Variants in CTNNA3 observed in about 807,000 individuals in gnomAD.
CTNNA3 encodes catenin alpha-3.
Under a neutral mutation model 95.7 loss-of-function variants are expected in CTNNA3, and 76 were observed. The ratio of observed to expected loss-of-function variants is 0.79; its 90% CI spans 0.66 to 0.96. The LOEUF is 0.96. CTNNA3 is among the 40% of genes least tolerant of loss of function. CTNNA3 has a pLI of 0.00. For synonymous variants in CTNNA3, 431 were observed against 374.4 expected (o/e 1.15, Z -1.74); for missense variants, 1,191 against 1,089.8 (o/e 1.09, Z -1.31).
chr10:67,446,063 A>G (rs1344846694), intron 5 of CTNNA3, among the ~76,000 whole-genome samples: 2 of 152,190 alleles, frequency 1.3e-5, no homozygotes, highest in Admixed American at 1.3e-4. Context: ...TCATTCAACA[A>G]ACGCGAGATA....
chr10:67,456,206 C>T (rs1477918692), intron 5 of CTNNA3, among the ~76,000 whole-genome samples: 1 of 152,038 alleles, frequency 6.6e-6, no homozygotes, highest in Non-Finnish European at 1.5e-5. Context: ...TGTAATAATA[C>T]AGGAAGATAA....
At chr10:66,845,709 A>AT (rs1843229486) in intron 7 of CTNNA3, among the ~76,000 whole-genome samples, 2 of 88,186 alleles carry the variant, frequency 2.3e-5, no homozygotes, top group African/African-American at 1.1e-4. Flanking sequence ...GTCTCAAAAA[A>AT]AAAAAAAAAA....
At chr10:67,021,357 A>C (rs1853003728) in intron 7 of CTNNA3, among the ~76,000 whole-genome samples, 1 of 152,176 alleles carries the variant, frequency 6.6e-6, no homozygotes, top group Non-Finnish European at 1.5e-5. Context: ...ACAATCAGTG[A>C]ATAAATCAGT....
At chr10:66,520,980 T>TA (rs762916618) in intron 10 of CTNNA3, among the ~76,000 whole-genome samples, 111 of 151,108 alleles carry the variant, frequency 7.3e-4, no homozygotes, top group Admixed American at 1.6e-3. Context: ...ATGTTAAACA[T>TA]AAAAAATGGA....
intron 7 of CTNNA3, among the ~76,000 whole-genome samples, chr10:67,117,587 G>A (rs1859246705): frequency 6.6e-6 from 1 of 152,010 alleles, no homozygotes; most frequent in Non-Finnish European, 1.5e-5. Context: ...AAATACCTGG[G>A]AGACAAGTGT....
At chr10:66,962,178 T>C (rs975140273) in intron 7 of CTNNA3, among the ~76,000 whole-genome samples, 5 of 152,056 alleles carry the variant, frequency 3.3e-5, no homozygotes, top group Non-Finnish European at 4.4e-5. Context: ...ACATCCCCCA[T>C]TTCCTCATCA....
rs77260532 is a variant in CTNNA3 at position 66,786,173 on chromosome 10, C to G, written c.1048-10649G>C. On this transcript the variant is annotated intron_variant, in intron 7 of 17. Transcript: ENST00000433211. ...GTAGTTGCAGGCCTAGGGTCTTGCT[C>G]TATCCCTTATTGAGTCCCTCAAGCC... Among the ~76,000 whole-genome samples the G allele has an allele frequency of 1.7e-3, 252 of 152,210 alleles. 8 individuals are homozygous for G. The East Asian group carries it at 0.043, about 26-fold the overall frequency.
intron 7 of CTNNA3, among the ~76,000 whole-genome samples, chr10:66,804,396 T>C (rs943671706): frequency 2.0e-5 from 3 of 152,192 alleles, no homozygotes; most frequent in Non-Finnish European, 4.4e-5. Flanking sequence ...ATCTGTATCC[T>C]TGCTCAGTGT....
At chr10:67,702,286 T>C (rs868399716) in intron 1 of CTNNA3, among the ~76,000 whole-genome samples, 11 of 152,186 alleles carry the variant, frequency 7.2e-5, no homozygotes, top group African/African-American at 2.6e-4. Flanking sequence ...CTAATAGACA[T>C]CTACAGAACT....
intron 5 of CTNNA3, among the ~76,000 whole-genome samples, chr10:67,422,171 TC>T (rs1390105736): frequency 2.0e-5 from 3 of 152,078 alleles, no homozygotes; most frequent in African/African-American, 4.8e-5. Flanking sequence ...ATAGACATAA[TC>T]TGGGGACAAC....
intron 7 of CTNNA3, among the ~76,000 whole-genome samples, chr10:66,873,429 T>A (rs1218983741): frequency 2.0e-5 from 3 of 152,108 alleles, no homozygotes; most frequent in African/African-American, 4.8e-5. Flanking sequence ...TGAGATGGTG[T>A]CTCATTGTGG....
chr10:67,324,089 C>T (rs1454307486), intron 5 of CTNNA3, among the ~76,000 whole-genome samples: 1 of 152,028 alleles, frequency 6.6e-6, no homozygotes, highest in African/African-American at 2.4e-5. Context: ...TGTTGCAAAA[C>T]TGTTGAAGTC....
chr10:66,058,882 T>G (rs1029024460), intron 15 of CTNNA3, among the ~76,000 whole-genome samples: 3 of 152,154 alleles, frequency 2.0e-5, no homozygotes, highest in African/African-American at 7.2e-5. Flanking sequence ...GCATACATGC[T>G]TTCTCTTGGG....
intron 5 of CTNNA3, among the ~76,000 whole-genome samples, chr10:67,473,129 C>A (rs1564674516): frequency 6.6e-6 from 1 of 152,112 alleles, no homozygotes; most frequent in Non-Finnish European, 1.5e-5. Context: ...AATGAATGAA[C>A]AATATATGAA....
chr10:66,306,978 T>A (rs2091943530), intron 12 of CTNNA3, among the ~76,000 whole-genome samples: 1 of 152,160 alleles, frequency 6.6e-6, no homozygotes, highest in Non-Finnish European at 1.5e-5. Flanking sequence ...AACAAAAAAA[T>A]TAGCTAACAG....
At chr10:66,326,162 T>C (rs1362514797) in intron 12 of CTNNA3, among the ~76,000 whole-genome samples, 1 of 152,134 alleles carries the variant, frequency 6.6e-6, no homozygotes, top group African/African-American at 2.4e-5. Context: ...GATTACAAGA[T>C]ACTTTACCAC....
intron 1 of CTNNA3, among the ~76,000 whole-genome samples, chr10:67,721,168 G>A (rs1449187003): frequency 1.3e-5 from 2 of 152,074 alleles, no homozygotes; most frequent in East Asian, 3.9e-4. Flanking sequence ...TATCTCTGTG[G>A]TGTTCTCTGT....
At chr10:67,640,395 G>C (rs1839486905) in intron 2 of CTNNA3, among the ~76,000 whole-genome samples, 1 of 152,140 alleles carries the variant, frequency 6.6e-6, no homozygotes, top group Non-Finnish European at 1.5e-5. Flanking sequence ...CTCATGGATA[G>C]GAAGAATCAA....
intron 12 of CTNNA3, among the ~76,000 whole-genome samples, chr10:66,303,357 A>G (rs901988145): frequency 3.9e-5 from 6 of 152,186 alleles, no homozygotes; most frequent in Non-Finnish European, 7.4e-5. Flanking sequence ...TTATCATGGC[A>G]TTTTAAATTT....
Sources: allele counts gnomAD v4.1 joint callset (sites outside exome capture counted in the v4.1 genomes callset), GRCh38; gene constraint gnomAD v4.1.1; transcripts MANE v1.5; gene names NCBI Gene and HGNC (gene_info 2026-07-23, HGNC 2026-07-21).